JAKMIP3: variants seen among roughly 807,000 people sequenced by gnomAD.
The protein encoded by JAKMIP3 is janus kinase and microtubule-interacting protein 3.
Under a neutral mutation model 118.5 loss-of-function variants are expected in JAKMIP3, and 58 were observed. That is an observed-to-expected ratio of 0.49 (90% CI 0.40 to 0.61). The LOEUF (loss-of-function observed/expected upper bound fraction) is 0.61, where lower values mean the gene tolerates loss of function less well. Among genes scored for constraint, JAKMIP3 ranks in the 20% least tolerant of loss-of-function variants. The probability of loss-of-function intolerance (pLI) is 0.00; values close to 1 mark genes in which losing one functional copy is unlikely to be tolerated. For synonymous variants in JAKMIP3, 486 were observed against 451.2 expected, an observed-to-expected ratio of 1.08 and a Z score of -0.98; for missense variants, 950 against 1,109.0, an observed-to-expected ratio of 0.86 and a Z score of 2.04.
chr10:132,145,424 G>T (rs1013008720), intron 12 of JAKMIP3, 94 bp from the exon 13 acceptor site: 9 of 1,248,554 alleles, frequency 7.2e-6, no homozygotes, highest in Middle Eastern at 2.6e-4. Context: ...ACGCTGGCCA[G>T]ACTGGTCTTT....
At chr10:132,147,573 A>T (rs1470427351) in intron 13 of JAKMIP3, among the ~76,000 whole-genome samples, 2 of 151,966 alleles carry the variant, frequency 1.3e-5, no homozygotes, top group African/African-American at 4.8e-5. Flanking sequence ...TCCTCATCCT[A>T]GCTCAGAGCC....
intron 23 of JAKMIP3, among the ~76,000 whole-genome samples, chr10:132,169,577 G>A (rs2059272865): frequency 6.6e-6 from 1 of 152,086 alleles, no homozygotes; most frequent in Admixed American, 6.5e-5. Context: ...TGTGTCTGTG[G>A]GACTCAGCGG....
chr10:132,127,564 A>C (rs1292385540), intron 3 of JAKMIP3, among the ~76,000 whole-genome samples: 2 of 151,978 alleles, frequency 1.3e-5, no homozygotes. Flanking sequence ...TGCTTGCTAG[A>C]CTTTTCATCG....
chr10:132,180,897 G>A (rs1183956469), intron 23 of JAKMIP3, among the ~76,000 whole-genome samples: 1 of 152,084 alleles, frequency 6.6e-6, no homozygotes, highest in Non-Finnish European at 1.5e-5. Flanking sequence ...ATGTGTATGT[G>A]TTGTGCATTG....
chr10:132,039,847 G>C (rs570357387), intron 1 of JAKMIP3, among the ~76,000 whole-genome samples: 19 of 152,324 alleles, frequency 1.2e-4, no homozygotes, highest in Admixed American at 1.2e-3. Context: ...TCACGTGCTG[G>C]GGCGCCTCTG....
At chr10:132,106,589 T>C (rs1172076536) in intron 2 of JAKMIP3, among the ~76,000 whole-genome samples, 1 of 152,146 alleles carries the variant, frequency 6.6e-6, no homozygotes, top group African/African-American at 2.4e-5. Flanking sequence ...AGAAGGCCGA[T>C]GGCATGGGGA....
intron 1 of JAKMIP3, among the ~76,000 whole-genome samples, chr10:132,042,626 G>A (rs1337418986): frequency 1.3e-5 from 2 of 152,168 alleles, no homozygotes; most frequent in African/African-American, 2.4e-5. Flanking sequence ...CAGGGACTGC[G>A]TGGGGAGAGG....
intron 1 of JAKMIP3, among the ~76,000 whole-genome samples, chr10:132,078,175 G>GT (rs2041136745): frequency 7.9e-6 from 1 of 126,428 alleles, no homozygotes; most frequent in Non-Finnish European, 1.6e-5. Context: ...ATAGTTACCA[G>GT]TTTATCTAGT....
intron 1 of JAKMIP3, among the ~76,000 whole-genome samples, chr10:132,097,888 C>CCCTTCG: frequency 1.8e-5 from 1 of 56,374 alleles, no homozygotes; most frequent in Non-Finnish European, 4.1e-5. Context: ...TTATTTTCTT[C>CCCTTCG]CCTTCCCCTT....
chr10:132,153,878 A>G, intron 18 of JAKMIP3, 35 bp from the exon 19 acceptor site: 3 of 1,612,874 alleles, frequency 1.9e-6, no homozygotes, highest in Admixed American at 1.7e-5. Context: ...CAGGTGGGAC[A>G]TCCGAGACCG....
chr10:132,077,670 G>A (rs1047157461), intron 1 of JAKMIP3, among the ~76,000 whole-genome samples: 19 of 152,174 alleles, frequency 1.2e-4, no homozygotes, highest in Non-Finnish European at 2.6e-4. Context: ...GTTTTTTTGA[G>A]ACAGAGTTTC....
At chr10:132,102,160 C>G (rs564023205) in intron 1 of JAKMIP3, among the ~76,000 whole-genome samples, 1 of 152,146 alleles carries the variant, frequency 6.6e-6, no homozygotes, top group South Asian at 2.1e-4. Flanking sequence ...CAAGGCCAGC[C>G]GAGCCCCCTT....
chr10:132,159,217 GGCA>G (rs2057495358), intron 19 of JAKMIP3, among the ~76,000 whole-genome samples: 2 of 102,936 alleles, frequency 1.9e-5, no homozygotes, highest in Non-Finnish European at 2.0e-5. Context: ...ATGCTGTGGG[GGCA>G]TCTCTCCCTG....
chr10:132,120,299 T>G (rs557500922), intron 3 of JAKMIP3, among the ~76,000 whole-genome samples: 302 of 152,354 alleles, frequency 2.0e-3, no homozygotes, highest in Middle Eastern at 6.8e-3. Context: ...ACTCTGGGTC[T>G]GCTTGGGTCC....
intron 1 of JAKMIP3, among the ~76,000 whole-genome samples, chr10:132,038,559 G>A (rs1047275717): frequency 5.9e-5 from 9 of 152,162 alleles, no homozygotes; most frequent in Non-Finnish European, 2.9e-5. Flanking sequence ...CACTTTGGGA[G>A]GCCCAGGTGG....
chr10:132,080,014 A>G (rs1015148960), intron 1 of JAKMIP3, among the ~76,000 whole-genome samples: 5 of 152,160 alleles, frequency 3.3e-5, no homozygotes, highest in Non-Finnish European at 5.9e-5. Flanking sequence ...CCCGCTTTCA[A>G]TTCTGTTTTT....
At chr10:132,169,251 G>A (rs1178236254) in intron 23 of JAKMIP3, among the ~76,000 whole-genome samples, 1 of 152,214 alleles carries the variant, frequency 6.6e-6, no homozygotes, top group African/African-American at 2.4e-5. Context: ...AGGGTCTGCA[G>A]ACATGGTGCT....
intron 14 of JAKMIP3, 59 bp from the exon 15 acceptor site, chr10:132,149,353 T>C (rs2055358666): frequency 8.7e-7 from 1 of 1,155,560 alleles, no homozygotes; most frequent in Non-Finnish European, 1.3e-6. Context: ...CCCAGCACAG[T>C]CCTCTTAGAG....
At chr10:132,092,817 G>A (rs998372380) in intron 1 of JAKMIP3, among the ~76,000 whole-genome samples, 1 of 152,234 alleles carries the variant, frequency 6.6e-6, no homozygotes, top group African/African-American at 2.4e-5. Flanking sequence ...GCGAGGAGCT[G>A]CATTCCTTTG....
Sources: gnomAD v4.1 joint callset for allele counts (sites outside exome capture counted in the v4.1 genomes callset) on GRCh38, gnomAD v4.1.1 for gene constraint, MANE v1.5 for transcripts, NCBI Gene and HGNC (gene_info 2026-07-23, HGNC 2026-07-21) for gene names.